Variants in KLHL24 observed in about 807,000 individuals in gnomAD.
KLHL24 encodes kelch like family member 24.
A neutral mutation model predicts 53.4 loss-of-function variants in KLHL24; 29 were observed. The ratio of observed to expected loss-of-function variants is 0.54; its 90% CI spans 0.40 to 0.74. The LOEUF (loss-of-function observed/expected upper bound fraction) is 0.74. Ranked by LOEUF, KLHL24 falls within the 30% of genes least tolerant of loss-of-function variation. The pLI, the probability that KLHL24 is intolerant of heterozygous loss-of-function variation, is 0.00. For synonymous variants in KLHL24, 222 were observed against 253.7 expected, an observed-to-expected ratio of 0.88 and a Z score of 1.19; for missense variants, 504 against 744.0, an observed-to-expected ratio of 0.68 and a Z score of 3.75.
chr3:183,667,723 T>A (rs1720774922), intron 5 of KLHL24, among the ~76,000 whole-genome samples: 1 of 152,008 alleles, frequency 6.6e-6, no homozygotes, highest in Non-Finnish European at 1.5e-5. Flanking sequence ...AGTTTATATA[T>A]TTTTATTTTT....
chr3:183,654,438 C>T, intron 3 of KLHL24, among the ~76,000 whole-genome samples: 1 of 151,924 alleles, frequency 6.6e-6, no homozygotes, highest in African/African-American at 2.4e-5. Context: ...TTCATTCATT[C>T]ATTTATATTT....
In KLHL24 at chr3:183,683,273, A is replaced by G. The variant is rs1472931135; in HGVS notation, c.*3987A>G. 3 of 152,660 alleles carry G rather than the reference A, an allele frequency of 2.0e-5. No individual in the cohort carries two copies. The highest frequency in any genetic ancestry group is 4.4e-5 in the Non-Finnish European group (3 of 68,076). 9.5% of individuals were successfully genotyped at this position (152,660 alleles called of 1,614,324 possible). ...AGAGCTTGGTGTTTTTGTGGTGCCA[A>G]GTGGTAAGATAATGTCTCTTTGAGG... On this transcript the variant is annotated 3_prime_UTR_variant, in exon 8 of 8. Coordinates refer to ENST00000242810, the MANE Select transcript of KLHL24 (RefSeq NM_017644.3).
chr3:183,654,153 C>T (rs1384576947), intron 3 of KLHL24, among the ~76,000 whole-genome samples: 1 of 152,166 alleles, frequency 6.6e-6, no homozygotes, highest in Admixed American at 6.5e-5. Flanking sequence ...AGCTTGAGCT[C>T]TTTCGAATTT....
chr3:183,647,800 T>G (rs113073078), intron 2 of KLHL24, among the ~76,000 whole-genome samples: 1,553 of 152,180 alleles, frequency 0.01, 14 homozygotes, highest in Middle Eastern at 0.017. Context: ...GCTCAGGAGT[T>G]CAAGACCAGC....
At chr3:183,660,996 C>A (rs1277735620) in intron 3 of KLHL24, among the ~76,000 whole-genome samples, 1 of 90,642 alleles carries the variant, frequency 1.1e-5, no homozygotes, top group Non-Finnish European at 2.1e-5. Context: ...ACCCGGGAGG[C>A]GGAGCTTGCA....
intron 7 of KLHL24, 100 bp from the exon 8 acceptor site, chr3:183,678,985 CT>C: frequency 3.6e-4 from 319 of 895,608 alleles, no homozygotes; most frequent in Non-Finnish European, 4.3e-4. Flanking sequence ...TCATGTCTCC[CT>C]TTTTTTTGAC....
chr3:183,679,386 A>G lies in KLHL24; in HGVS notation c.*100A>G, dbSNP rs1712452462. 1 of 718,414 alleles carries G rather than the reference A, an allele frequency of 1.4e-6. No homozygotes were observed. Among genetic ancestry groups the G allele is most frequent in the Non-Finnish European group, 2.3e-6 (1 of 435,330 alleles). The allele number at this position is 718,414 out of a possible 1,614,324, so 44.5% of individuals were successfully genotyped here. On this transcript the variant is annotated 3_prime_UTR_variant, in exon 8 of 8. Transcript: ENST00000242810. ...ACATATCTCCTTTGTGCCATATGCA[A>G]AAAATAGTAAAAATAATAATTTGGT... is the stretch of plus-strand genomic sequence containing the variant.
At chr3:183,655,579 T>A (rs1026770850) in intron 3 of KLHL24, among the ~76,000 whole-genome samples, 1 of 151,980 alleles carries the variant, frequency 6.6e-6, no homozygotes, top group Non-Finnish European at 1.5e-5. Flanking sequence ...CAGTGAGCCA[T>A]GAGCAGGCCA....
chr3:183,637,927 G>C (rs769943383), intron 1 of KLHL24, among the ~76,000 whole-genome samples: 4 of 152,234 alleles, frequency 2.6e-5, no homozygotes, highest in Non-Finnish European at 4.4e-5. Context: ...CCAAAGTGCT[G>C]GGATTGCAGG....
intron 3 of KLHL24, among the ~76,000 whole-genome samples, chr3:183,652,446 TGTG>T (rs1718253288): frequency 6.6e-6 from 1 of 152,184 alleles, no homozygotes; most frequent in African/African-American, 2.4e-5. Flanking sequence ...TTTTTTTAAT[TGTG>T]GTAAAAAACA....
In KLHL24 at chr3:183,650,828, T is replaced by C; in HGVS notation, c.472T>C (p.Phe158Leu). The change falls in exon 3 of 8, where the codon TTC becomes CTC. Residue 158 changes from phenylalanine (F) to leucine (L), a missense_variant. Coordinates refer to ENST00000242810, the MANE Select transcript of KLHL24 (RefSeq NM_017644.3). The surrounding 1 kb of genome is among the most constrained non-coding windows in gnomAD (Gnocchi z 4.5). ...TGTTCTCCGTGATGCATGTGCCAAG[T>C]TCTTGGAGGAGCAACTTGATCCTTG... is the stretch of plus-strand genomic sequence containing the variant. Reference protein sequence around the residue: ...ISVLRDACAKFLEEQLDPCNC... With the variant: ...ISVLRDACAKLLEEQLDPCNC... 6.2e-7 allele frequency: 1 copy of C among 1,614,082 alleles called. No individual in the cohort carries two copies. The highest frequency in any genetic ancestry group is 8.5e-7 in the Non-Finnish European group (1 of 1,180,016).
intron 2 of KLHL24, among the ~76,000 whole-genome samples, chr3:183,647,413 T>C (rs536780850): frequency 4.7e-4 from 68 of 144,814 alleles, no homozygotes; most frequent in African/African-American, 1.7e-3. Flanking sequence ...AGACTCCGTC[T>C]CAAAAAAAAT....
At chr3:183,659,468 A>T (rs1457410469) in intron 3 of KLHL24, among the ~76,000 whole-genome samples, 1 of 152,198 alleles carries the variant, frequency 6.6e-6, no homozygotes, top group Non-Finnish European at 1.5e-5. Context: ...ACCCGGGAAG[A>T]GGCAGAGATT....
At chr3:183,660,601 G>A (rs1719594157) in intron 3 of KLHL24, among the ~76,000 whole-genome samples, 1 of 152,050 alleles carries the variant, frequency 6.6e-6, no homozygotes, top group African/African-American at 2.4e-5. Context: ...GCATGTCTGT[G>A]ATTAGTTTCT....
At chr3:183,642,100 C>T (rs561459046) in intron 1 of KLHL24, among the ~76,000 whole-genome samples, 202 of 152,286 alleles carry the variant, frequency 1.3e-3, no homozygotes, top group African/African-American at 4.7e-3. Flanking sequence ...TAGCCAACCC[C>T]ACAGAGTCTA....
intron 1 of KLHL24, among the ~76,000 whole-genome samples, chr3:183,640,600 C>CTTTTTTTTTTTTTTTT (rs761361160): frequency 1.6e-5 from 1 of 61,666 alleles, no homozygotes; most frequent in Non-Finnish European, 3.0e-5. Flanking sequence ...TTTCTTTTTT[C>CTTTTTTTTTTTTTTTT]TTTTTTTTTT....
At chr3:183,640,372 T>G (rs1236433684) in intron 1 of KLHL24, among the ~76,000 whole-genome samples, 2 of 152,216 alleles carry the variant, frequency 1.3e-5, no homozygotes, top group Non-Finnish European at 2.9e-5. Context: ...GTATTCTTTT[T>G]TAGTTAAAGA....
At chr3:183,636,925 G>C (rs1411504197) in intron 1 of KLHL24, among the ~76,000 whole-genome samples, 1 of 152,160 alleles carries the variant, frequency 6.6e-6, no homozygotes, top group Non-Finnish European at 1.5e-5. Flanking sequence ...TGGGCACGCA[G>C]AGATCGGCTA....
intron 1 of KLHL24, among the ~76,000 whole-genome samples, chr3:183,639,955 G>A (rs1195578119): frequency 6.6e-6 from 1 of 152,152 alleles, no homozygotes; most frequent in Non-Finnish European, 1.5e-5. Context: ...AACCCGGGAG[G>A]TGGGGGTTGC....
Sources: gnomAD v4.1 joint callset for allele counts (sites outside exome capture counted in the v4.1 genomes callset) on GRCh38, gnomAD v4.1.1 for gene constraint, Gnocchi (gnomAD v3.1) non-coding constraint, MANE v1.5 for transcripts, NCBI Gene and HGNC (gene_info 2026-07-23, HGNC 2026-07-21) for gene names.